The following MECOM variants were observed in gnomAD, a reference collection of about 807,000 sequenced individuals.
The protein encoded by MECOM is histone-lysine N-methyltransferase MECOM.
In MECOM, 13 loss-of-function variants were observed where a neutral mutation model predicts 116.3. The observed-to-expected ratio is 0.11, with a 90% CI of 0.07 to 0.18. MECOM has a LOEUF of 0.18. Ranked by LOEUF, MECOM falls within the 10% of genes least tolerant of loss-of-function variation. The pLI is 1.00. For synonymous variants in MECOM, 528 were observed against 535.2 expected (o/e 0.99, Z 0.19); for missense variants, 1,299 against 1,509.0 (o/e 0.86, Z 2.31).
At chr3:169,414,670 C>T (rs937555906) in intron 1 of MECOM, among the ~76,000 whole-genome samples, 4 of 152,086 alleles carry the variant, frequency 2.6e-5, no homozygotes, top group African/African-American at 7.2e-5. Flanking sequence ...ACTAGTATAA[C>T]CAGTTTAGAA....
intron 12 of MECOM, among the ~76,000 whole-genome samples, chr3:169,099,022 T>C (rs993701238): frequency 6.6e-6 from 1 of 152,020 alleles, no homozygotes; most frequent in African/African-American, 2.4e-5. Flanking sequence ...ATTCAATTGA[T>C]CTTCCCTGTA....
intron 1 of MECOM, among the ~76,000 whole-genome samples, chr3:169,423,873 A>G (rs1740192483): frequency 6.6e-6 from 1 of 152,170 alleles, no homozygotes; most frequent in Admixed American, 6.6e-5. Flanking sequence ...TATGTTATTA[A>G]TTAAGCCATC....
At chr3:169,487,841 A>G (rs1752592083) in intron 1 of MECOM, among the ~76,000 whole-genome samples, 1 of 152,184 alleles carries the variant, frequency 6.6e-6, no homozygotes, top group South Asian at 2.1e-4. Flanking sequence ...GGATGAAAAA[A>G]ATACATACCA....
chr3:169,611,974 G>A lies in MECOM; in HGVS notation c.37+51362C>T, dbSNP rs565521999. On this transcript the variant is annotated intron_variant, in intron 1 of 16. Coordinates refer to ENST00000651503, the MANE Select transcript of MECOM (RefSeq NM_004991.4). The surrounding 1 kb of genome is among the most constrained non-coding windows in gnomAD (Gnocchi z 4.1). The stretch of plus-strand genomic sequence containing the variant: ...ATTCTTTGTGATGGGGAGCTGTCCC[G>A]TGCATTATAAAATATTGAGCAGTGT... 1.4e-3 allele frequency among the ~76,000 whole-genome samples: 216 copies of A among 152,222 alleles called. 1 individual carries two copies. The Middle Eastern group carries it at 0.024, about 17-fold the overall frequency.
chr3:169,244,722 T>C (rs551539785), intron 2 of MECOM, among the ~76,000 whole-genome samples: 1 of 152,190 alleles, frequency 6.6e-6, no homozygotes, highest in Non-Finnish European at 1.5e-5. Flanking sequence ...TACTAAAGCA[T>C]GGTGTTGTTG....
At chr3:169,420,362 C>T (rs1273028825) in intron 1 of MECOM, among the ~76,000 whole-genome samples, 2 of 152,074 alleles carry the variant, frequency 1.3e-5, no homozygotes, top group East Asian at 3.9e-4. Flanking sequence ...CTGCAGCAAA[C>T]CCACCATGAC....
chr3:169,339,656 TG>T (rs972533864), intron 2 of MECOM, among the ~76,000 whole-genome samples: 6 of 152,160 alleles, frequency 3.9e-5, no homozygotes, highest in African/African-American at 1.4e-4. Context: ...CTGATGTGTG[TG>T]TATATTAAGG....
Position 169,084,532 on chromosome 3 carries a change from T to C in MECOM, c.*377A>G. ...GATCTTGTACAAAAGAGAATTCAGT[T>C]TCTATGGAGTGTTCATTCATATCAA... On this transcript the variant is annotated 3_prime_UTR_variant, in exon 17 of 17. Transcript: ENST00000651503. The C allele has an allele frequency of 8.1e-6, 2 of 245,978 alleles. No individual in the cohort carries two copies. Among genetic ancestry groups the C allele is most frequent in the Non-Finnish European group, 1.6e-5 (2 of 126,790 alleles). The allele number at this position is 245,978 out of a possible 1,614,324, so 15.2% of individuals were successfully genotyped here. A position where few individuals can be genotyped will look rare whatever the true frequency, so the allele number is the denominator to read the frequency against.
rs146670650 is a variant in MECOM at position 169,399,934 on chromosome 3, A to G, written c.38-18410T>C. Among the ~76,000 whole-genome samples the G allele has an allele frequency of 5.5e-3, 845 of 152,282 alleles. 6 individuals are homozygous for G. The highest frequency in any genetic ancestry group is 0.019 in the African/African-American group (803 of 41,558). ...GATCTGATTATGAAATTCCAATTAT[A>G]AATAAACTCCCAACCCCTTACCCAA... On this transcript the variant is annotated intron_variant, in intron 1 of 16. Transcript: ENST00000651503.
In MECOM at chr3:169,305,417, GA is replaced by G. The variant is rs994014633; in HGVS notation, c.375+75769del. Among the ~76,000 whole-genome samples, 5 of 151,710 alleles carry G rather than the reference GA, an allele frequency of 3.3e-5. No homozygotes were observed. The East Asian group carries it at 5.8e-4, about 18-fold the overall frequency. On this transcript the variant is annotated intron_variant, in intron 2 of 16. Coordinates refer to ENST00000651503, the MANE Select transcript of MECOM (RefSeq NM_004991.4). ...AATGATTGCCTAATTGTGGGGGCTGGAAAAAAAATCCCAACACAAGGAAGCC... is the reference window on the plus strand; with the variant it reads ...AATGATTGCCTAATTGTGGGGGCTGGAAAAAAATCCCAACACAAGGAAGCC...
chr3:169,089,858 A>C (rs1253816712), intron 15 of MECOM, 142 bp downstream of exon 15: 2 of 1,319,262 alleles, frequency 1.5e-6, no homozygotes, highest in African/African-American at 3.0e-5. Context: ...TCATCTATTT[A>C]AATCTGATCC....
chr3:169,657,607 G>C (rs148437840), intron 1 of MECOM, among the ~76,000 whole-genome samples: 6 of 152,306 alleles, frequency 3.9e-5, no homozygotes, highest in Admixed American at 3.3e-4. Flanking sequence ...ATTGGACAAG[G>C]AATTCAGGAC....
intron 2 of MECOM, among the ~76,000 whole-genome samples, chr3:169,321,985 T>C (rs367638175): frequency 5.3e-5 from 8 of 152,358 alleles, no homozygotes; most frequent in African/African-American, 1.9e-4. Context: ...GAGCTGGGAT[T>C]ATTAAAGGAC....
chr3:169,423,980 C>T (rs1740213504), intron 1 of MECOM, among the ~76,000 whole-genome samples: 1 of 152,108 alleles, frequency 6.6e-6, no homozygotes, highest in Non-Finnish European at 1.5e-5. Flanking sequence ...ATGATATTTA[C>T]TCAGTTTCCG....
intron 1 of MECOM, among the ~76,000 whole-genome samples, chr3:169,407,122 C>G (rs1736837524): frequency 6.6e-6 from 1 of 152,186 alleles, no homozygotes; most frequent in South Asian, 2.1e-4. Flanking sequence ...GCTGGGATTA[C>G]AGGTGTGAGC....
At chr3:169,134,029 A>G in intron 3 of MECOM, 1 of 1,056,408 alleles carries the variant, frequency 9.5e-7, no homozygotes, top group Non-Finnish European at 1.3e-6. Context: ...TAGTGAGGTT[A>G]AAGAGACAAT....
intron 1 of MECOM, among the ~76,000 whole-genome samples, chr3:169,592,386 C>T (rs764058313): frequency 2.0e-5 from 3 of 152,176 alleles, no homozygotes; most frequent in Non-Finnish European, 4.4e-5. Context: ...ACTTGGCCAA[C>T]ATTATTTTCC....
intron 1 of MECOM, among the ~76,000 whole-genome samples, chr3:169,562,537 G>C (rs1433551762): frequency 6.6e-6 from 1 of 152,148 alleles, no homozygotes; most frequent in African/African-American, 2.4e-5. Context: ...AGTTTAAAGT[G>C]CTTCAGCTAC....
chr3:169,485,939 ATG>A lies in MECOM; in HGVS notation c.38-104417_38-104416del, dbSNP rs202084256. 9.8e-4 allele frequency among the ~76,000 whole-genome samples: 67 copies of A among 68,308 alleles called. 5 individuals carry two copies. The highest frequency in any genetic ancestry group is 4.6e-3 in the African/African-American group (63 of 13,590). 44.8% of individuals were successfully genotyped at this position (68,308 alleles called of 152,430 possible). On this transcript the variant is annotated intron_variant, in intron 1 of 16. Transcript: ENST00000651503. ...TGTATATATAGTATATATAGTATAT[ATG>A]TATGTATATATGTACATATATACTA...
Sources: gnomAD v4.1 joint callset for allele counts (sites outside exome capture counted in the v4.1 genomes callset) on GRCh38, gnomAD v4.1.1 for gene constraint, Gnocchi (gnomAD v3.1) non-coding constraint, MANE v1.5 for transcripts, NCBI Gene and HGNC (gene_info 2026-07-23, HGNC 2026-07-21) for gene names.